SMAD7: variants seen among roughly 807,000 people sequenced by gnomAD.
SMAD7 encodes SMAD family member 7, also known as MAD (mothers against decapentaplegic, Drosophila) homolog 7.
A neutral mutation model predicts 38.7 loss-of-function variants in SMAD7; 8 were observed. The observed-to-expected ratio is 0.21, with a 90% CI of 0.12 to 0.37. The LOEUF (loss-of-function observed/expected upper bound fraction) is 0.37, where lower values mean the gene tolerates loss of function less well. Ranked by LOEUF, SMAD7 falls within the 10% of genes least tolerant of loss-of-function variation. SMAD7 has a pLI of 1.00. For missense variants in SMAD7, 477 were observed against 577.9 expected (o/e 0.83, Z 1.79); for synonymous variants, 327 against 265.1 (o/e 1.23, Z -2.27).
intron 3 of SMAD7, among the ~76,000 whole-genome samples, chr18:48,932,832 G>A (rs145404953): frequency 1.2e-3 from 186 of 152,292 alleles, no homozygotes; most frequent in African/African-American, 4.2e-3. Context: ...TCTTCGTTGC[G>A]AATCAAGTCC....
Position 48,949,896 on chromosome 18 carries a change from G to A in SMAD7, c.529C>T (p.Leu177=), listed in dbSNP as rs1220671354. The stretch of plus-strand genomic sequence containing the variant: ...TTCCCGTAAGATTCACAGCAACACA[G>A]CCTCTTGACTTCCGAGGAATGCCTG... ...DLRHSSEVKR[L]CCCESYGKIN... Residue 177 remains leucine (L), a synonymous_variant, in exon 1 of 4, where the codon CTG becomes TTG. Transcript: ENST00000262158. 4 of 1,613,740 alleles carry A rather than the reference G, an allele frequency of 2.5e-6. No homozygotes were observed. The highest frequency in any genetic ancestry group is 3.3e-5 in the Admixed American group (2 of 60,002).
intron 3 of SMAD7, among the ~76,000 whole-genome samples, chr18:48,930,722 CACAT>C (rs1479396023): frequency 6.6e-6 from 1 of 151,146 alleles, no homozygotes; most frequent in Non-Finnish European, 1.5e-5. Flanking sequence ...TGTGTGCCGA[CACAT>C]GAGGCACAAG....
intron 3 of SMAD7, among the ~76,000 whole-genome samples, chr18:48,925,436 C>G (rs4939825): frequency 2.2e-5 from 1 of 45,892 alleles, no homozygotes; most frequent in African/African-American, 5.9e-5. Context: ...GGTGTTGCCC[C>G]CCCCCAACCT....
chr18:48,941,864 C>T (rs1323351955), intron 3 of SMAD7, among the ~76,000 whole-genome samples: 5 of 152,110 alleles, frequency 3.3e-5, no homozygotes, highest in Admixed American at 6.5e-5. Context: ...CAGGCCTTCA[C>T]GCATACCTGT....
intron 2 of SMAD7, among the ~76,000 whole-genome samples, chr18:48,945,230 G>T (rs547365814): frequency 6.6e-6 from 1 of 152,102 alleles, no homozygotes; most frequent in African/African-American, 2.4e-5. Flanking sequence ...GGAAGCAGAG[G>T]TGGGCAGATC....
chr18:48,921,696 G>A lies in SMAD7; in HGVS notation c.957C>T (p.Cys319=), dbSNP rs201042785. 3.7e-5 allele frequency: 60 copies of A among 1,613,654 alleles called. No individual in the cohort carries two copies. Among genetic ancestry groups the A allele is most frequent in the African/African-American group, 8.0e-5 (6 of 75,054 alleles). ...CCACCTCCCGCGTCAGCTGGATGCC[G>A]CAGCCGATTTTGCTCCGCACCTTCT... ...LVQKVRSKIG[C]GIQLTREVDG... The change falls in exon 4 of 4, where the codon TGC becomes TGT. Residue 319 remains cysteine (C), a synonymous_variant. Transcript: ENST00000262158. The surrounding 1 kb of genome is among the most constrained non-coding windows in gnomAD (Gnocchi z 6.4).
rs377430422 is a variant in SMAD7, at chr18:48,948,811, G to A, written c.614-374C>T. On this transcript the variant is annotated intron_variant, in intron 1 of 3. Transcript: ENST00000262158. ...CAACCTCGGCTCCCCGCCCCGGCCC[G>A]CCCCCCAGGCGTGCAATTCACCTCT... is the stretch of plus-strand genomic sequence containing the variant. 3.7e-4 allele frequency among the ~76,000 whole-genome samples: 57 copies of A among 152,272 alleles called. 1 individual carries two copies. In the South Asian group the frequency reaches 0.011, roughly 30 times the overall value.
At chr18:48,939,339 C>T (rs1184500803) in intron 3 of SMAD7, among the ~76,000 whole-genome samples, 2 of 152,008 alleles carry the variant, frequency 1.3e-5, no homozygotes, top group African/African-American at 4.8e-5. Flanking sequence ...GTGTGTTTCA[C>T]TGCAAGTCCC....
chr18:48,943,074 A>G (rs990846349), intron 2 of SMAD7, among the ~76,000 whole-genome samples: 11 of 152,210 alleles, frequency 7.2e-5, no homozygotes, highest in Non-Finnish European at 1.3e-4. Context: ...ACTTAAGTAG[A>G]GCAAAGTATA....
intron 2 of SMAD7, among the ~76,000 whole-genome samples, chr18:48,946,971 A>C (rs2143819100): frequency 6.6e-6 from 1 of 152,278 alleles, no homozygotes; most frequent in Non-Finnish European, 1.5e-5. Flanking sequence ...CCAAATTTGA[A>C]GAATATGGAA....
At position 48,941,993 on chromosome 18, in the gene SMAD7, C is replaced by A. The variant is rs142138025; in HGVS notation, c.742+488G>T. ...CTGCAAAATCCTGCAGCAGGCTGGG[C>A]TGGGAATCAGAACTTGGGAGGGAAG... On this transcript the variant is annotated intron_variant, in intron 3 of 3. Coordinates refer to ENST00000262158, the MANE Select transcript of SMAD7 (RefSeq NM_005904.4). Among the ~76,000 whole-genome samples the A allele has an allele frequency of 4.4e-3, 677 of 152,290 alleles. 2 individuals are homozygous for A. Among genetic ancestry groups the A allele is most frequent in the African/African-American group, 0.015 (632 of 41,558 alleles).
chr18:48,934,327 C>A (rs554239024), intron 3 of SMAD7, among the ~76,000 whole-genome samples: 4 of 152,146 alleles, frequency 2.6e-5, no homozygotes, highest in South Asian at 2.1e-4. Flanking sequence ...GACACGGTGG[C>A]TTGAAAACAC....
intron 1 of SMAD7, 21 bp from the exon 2 acceptor site, chr18:48,948,458 G>C (rs1412000707): frequency 1.9e-6 from 3 of 1,541,514 alleles, no homozygotes; most frequent in Non-Finnish European, 2.7e-6. Context: ...AAAAGCAAGA[G>C]AAAATAAAGG....
In SMAD7 at chr18:48,946,430, C is replaced by CGG. The variant is rs74174734; in HGVS notation, c.667+1952_667+1953dup. Among the ~76,000 whole-genome samples, 252 of 145,944 alleles carry CGG rather than the reference C, an allele frequency of 1.7e-3. 7 individuals are homozygous for CGG. The highest frequency in any genetic ancestry group is 4.7e-3 in the Admixed American group (69 of 14,652). On this transcript the variant is annotated intron_variant, in intron 2 of 3. Coordinates refer to ENST00000262158, the MANE Select transcript of SMAD7 (RefSeq NM_005904.4). The stretch of plus-strand genomic sequence containing the variant: ...ACCAGCCCCAGACCTGTGAGGGGGG[C>CGG]GGGGGGGGTGTGCTCCAGCTCCAGA...
intron 3 of SMAD7, among the ~76,000 whole-genome samples, chr18:48,927,728 GC>G (rs1406879167): frequency 6.6e-6 from 1 of 152,180 alleles, no homozygotes; most frequent in African/African-American, 2.4e-5. Flanking sequence ...CTCAGAAAAT[GC>G]CCACCAGTCT....
intron 3 of SMAD7, among the ~76,000 whole-genome samples, chr18:48,941,088 C>T (rs920371332): frequency 3.9e-5 from 6 of 152,152 alleles, no homozygotes; most frequent in Non-Finnish European, 8.8e-5. Flanking sequence ...ACATCCTGAG[C>T]GTGTTATTCT....
rs2070059310 is a variant in SMAD7 at position 48,935,941 on chromosome 18, G to A, written c.742+6540C>T. On this transcript the variant is annotated intron_variant, in intron 3 of 3. Coordinates refer to ENST00000262158, the MANE Select transcript of SMAD7 (RefSeq NM_005904.4). ...TAGAAAAAAATTAGCCAGGCATGGT[G>A]TGGCACGCCTGTAATCCCAGCTGCT... Among the ~76,000 whole-genome samples, 5 of 152,248 alleles carry A rather than the reference G, an allele frequency of 3.3e-5. No homozygotes were observed. In the South Asian group the frequency reaches 1.0e-3, roughly 32 times the overall value.
At chr18:48,936,359 A>G (rs1366529793) in intron 3 of SMAD7, among the ~76,000 whole-genome samples, 3 of 152,198 alleles carry the variant, frequency 2.0e-5, no homozygotes, top group Non-Finnish European at 4.4e-5. Flanking sequence ...CTTGTGGTAA[A>G]ATACACATAA....
chr18:48,937,280 G>GTGTGTGTGTC (rs1157459921), intron 3 of SMAD7, among the ~76,000 whole-genome samples: 2 of 150,052 alleles, frequency 1.3e-5, no homozygotes, highest in African/African-American at 4.9e-5. Context: ...GTGTGTGTGT[G>GTGTGTGTGTC]TGTGTGTGTG....
Sources: allele counts gnomAD v4.1 joint callset (sites outside exome capture counted in the v4.1 genomes callset), GRCh38; gene constraint gnomAD v4.1.1; non-coding constraint Gnocchi (gnomAD v3.1); transcripts MANE v1.5; gene names NCBI Gene and HGNC (gene_info 2026-07-23, HGNC 2026-07-21).